The following TCHP variants were observed in gnomAD, a reference collection of about 807,000 sequenced individuals.
The protein encoded by TCHP is trichoplein keratin filament-binding protein.
TCHP carries 81 observed loss-of-function variants against 88.7 expected under a neutral mutation model. The ratio of observed to expected loss-of-function variants is 0.91; its 90% CI spans 0.76 to 1.10. The LOEUF is 1.10. TCHP is among the 50% of genes least tolerant of loss of function. The pLI is 0.00. For missense variants in TCHP, 641 were observed against 632.1 expected (o/e 1.01, Z -0.15); for synonymous variants, 232 against 232.5 (o/e 1.00, Z 0.02).
the TCHP span, among the ~76,000 whole-genome samples, chr12:109,885,522 G>A: frequency 3.1e-5 from 4 of 129,922 alleles, no homozygotes; most frequent in Non-Finnish European, 3.1e-5. Flanking sequence ...TCGCTCTGTC[G>A]CCCAGGCTGG....
chr12:109,915,450 G>A lies in TCHP; in HGVS notation c.1368G>A (p.Glu456=). The A allele has an allele frequency of 6.2e-7, 1 of 1,614,158 alleles. No individual in the cohort carries two copies. The highest frequency in any genetic ancestry group is 2.2e-5 in the East Asian group (1 of 44,886). ...LQAWEADQQE[E]EEEEEARRVE... ...CATGGGAAGCAGACCAGCAGGAGGAGGAGGAAGAGGAGGAGGCCCGGCGGG... is the reference window on the plus strand; with the variant it reads ...CATGGGAAGCAGACCAGCAGGAGGAAGAGGAAGAGGAGGAGGCCCGGCGGG... Residue 456 remains glutamate (E), a synonymous_variant, in exon 12 of 13, where the codon GAG becomes GAA. Transcript: ENST00000405876.
chr12:109,900,937 G>GACCCTACACTTGA (rs1869753729), intron 1 of TCHP: 1 of 152,274 alleles, frequency 6.6e-6, no homozygotes, highest in South Asian at 2.1e-4. Flanking sequence ...GACAGCTTTT[G>GACCCTACACTTGA]GGTCAGGGGA....
In TCHP at chr12:109,911,117, C is replaced by T. The variant is rs774623375; in HGVS notation, c.934C>T (p.Arg312Cys). 1.3e-5 allele frequency: 21 copies of T among 1,595,620 alleles called. No homozygotes were observed. The highest frequency in any genetic ancestry group is 1.1e-5 in the South Asian group (1 of 87,882). Residue 312 changes from arginine (R) to cysteine (C), a missense_variant, in exon 9 of 13, where the codon CGC becomes TGC. Coordinates refer to ENST00000405876, the MANE Select transcript of TCHP (RefSeq NM_001143852.2). Reference protein sequence around the residue: ...ALLEKEDESQRLHLARREQVM... With the variant: ...ALLEKEDESQCLHLARREQVM... The stretch of plus-strand genomic sequence containing the variant: ...CCTCGAGAAGGAGGACGAGAGCCAG[C>T]GCCTCCACCTGGCCAGGCGGGAGCA...
intron 8 of TCHP, among the ~76,000 whole-genome samples, chr12:109,909,555 C>T (rs1220533408): frequency 6.6e-6 from 1 of 152,222 alleles, no homozygotes; most frequent in Non-Finnish European, 1.5e-5. Flanking sequence ...TGCGGTGGCT[C>T]CCGCCTATAA....
At chr12:109,882,416 C>T in the TCHP span, among the ~76,000 whole-genome samples, 2 of 136,620 alleles carry the variant, frequency 1.5e-5, no homozygotes, top group Non-Finnish European at 3.0e-5. Context: ...CCAGAGCGAG[C>T]GAGACTCCGT....
intron 9 of TCHP, among the ~76,000 whole-genome samples, chr12:109,912,064 G>A (rs1303173790): frequency 6.6e-6 from 1 of 152,200 alleles, no homozygotes; most frequent in Admixed American, 6.5e-5. Context: ...AAAGTGCTGG[G>A]ATTACAGGCG....
chr12:109,904,313 G>T (rs1436577573), intron 3 of TCHP, among the ~76,000 whole-genome samples, 166 bp downstream of exon 3: 3 of 152,174 alleles, frequency 2.0e-5, no homozygotes, highest in African/African-American at 7.2e-5. Context: ...CTGGGTTTTG[G>T]ATCAGTTAGC....
upstream of TCHP, chr12:109,900,219 G>A (rs1444361792): frequency 1.3e-5 from 2 of 152,290 alleles, no homozygotes; most frequent in Non-Finnish European, 2.9e-5. Flanking sequence ...CGGGGCACCA[G>A]AGAAAAACAC....
In TCHP at chr12:109,910,652, C is replaced by G. The variant is rs527405933; in HGVS notation, c.880-411C>G. Among the ~76,000 whole-genome samples the G allele has an allele frequency of 7.2e-5, 11 of 152,332 alleles. No individual in the cohort carries two copies. In the East Asian group the frequency reaches 2.1e-3, roughly 29 times the overall value. On this transcript the variant is annotated intron_variant, in intron 8 of 12. Coordinates refer to ENST00000405876, the MANE Select transcript of TCHP (RefSeq NM_001143852.2). ...TTGATGTACATAGTAGCTAATTCCC[C>G]ACCAAGGAGCATTTTGGTTGTTTCT...
chr12:109,898,818 C>T (rs950981996), upstream of TCHP, among the ~76,000 whole-genome samples: 9 of 152,082 alleles, frequency 5.9e-5, no homozygotes, highest in Non-Finnish European at 1.0e-4. Flanking sequence ...TTTATGTATT[C>T]ATTTATTTAT....
At chr12:109,908,168 T>C (rs1417342104) in intron 6 of TCHP, among the ~76,000 whole-genome samples, 2 of 152,224 alleles carry the variant, frequency 1.3e-5, no homozygotes, top group Non-Finnish European at 2.9e-5. Context: ...CCCATGCTCC[T>C]GTGACCTCAC....
At chr12:109,906,698 C>T (rs188056372) in intron 5 of TCHP, 58 bp downstream of exon 5, 264 of 1,445,670 alleles carry the variant, frequency 1.8e-4, no homozygotes, top group Admixed American at 2.7e-4. Flanking sequence ...CTGTTCACGT[C>T]TTTGCATTCG....
rs1870025263 is a variant in TCHP at position 109,904,744 on chromosome 12, A to G, written c.407A>G (p.Glu136Gly). 1.9e-6 allele frequency: 3 copies of G among 1,612,026 alleles called. No individual in the cohort carries two copies. The highest frequency in any genetic ancestry group is 2.5e-6 in the Non-Finnish European group (3 of 1,179,502). The change falls in exon 4 of 13, where the codon GAA becomes GGA. Residue 136 changes from glutamate to glycine, a missense_variant. Coordinates refer to ENST00000405876, the MANE Select transcript of TCHP (RefSeq NM_001143852.2). ...AKEEQRKLIAEQLLYEHWKKN... is the reference protein window; with the variant it reads ...AKEEQRKLIAGQLLYEHWKKN... ...TTTGTGTTTTCTTGATAGATTGCTG[A>G]ACAACTTTTGTACGAACACTGGAAA... is the stretch of plus-strand genomic sequence containing the variant.
the TCHP span, among the ~76,000 whole-genome samples, chr12:109,894,462 CAAA>C: frequency 9.3e-6 from 1 of 107,802 alleles, no homozygotes. Context: ...GACTCCGTCT[CAAA>C]AAAAAAAAAG....
At position 109,913,579 on chromosome 12, in the gene TCHP, C is replaced by T. The variant is rs909519969; in HGVS notation, c.1134+507C>T. Among the ~76,000 whole-genome samples the T allele has an allele frequency of 5.9e-5, 9 of 152,212 alleles. No individual in the cohort carries two copies. The South Asian group carries it at 8.3e-4, about 14-fold the overall frequency. The stretch of plus-strand genomic sequence containing the variant: ...GGCTCTTCCCACACGTTTCCCCCCT[C>T]GGGGTAGATGACAGCCGTGACCTGG... On this transcript the variant is annotated intron_variant, in intron 10 of 12. Coordinates refer to ENST00000405876, the MANE Select transcript of TCHP (RefSeq NM_001143852.2).
At chr12:109,901,893 A>G (rs1308745063) in intron 1 of TCHP, among the ~76,000 whole-genome samples, 1 of 152,172 alleles carries the variant, frequency 6.6e-6, no homozygotes, top group Non-Finnish European at 1.5e-5. Flanking sequence ...TTCGTCTCAA[A>G]CTGTGGCGTT....
chr12:109,909,911 G>A (rs892212395), intron 8 of TCHP, among the ~76,000 whole-genome samples: 2 of 152,218 alleles, frequency 1.3e-5, no homozygotes, highest in Admixed American at 1.3e-4. Flanking sequence ...GTTGCAATAA[G>A]CTGAGATCAA....
chr12:109,883,516 A>G, the TCHP span, among the ~76,000 whole-genome samples: 7 of 152,090 alleles, frequency 4.6e-5, no homozygotes, highest in Admixed American at 6.6e-5. Context: ...CCAAGCCATC[A>G]ACTAGGCTTG....
In TCHP at chr12:109,903,220, T is replaced by C. The variant is rs1453410191; in HGVS notation, c.188+6T>C. 1.2e-6 allele frequency: 2 copies of C among 1,604,046 alleles called. No homozygotes were observed. The highest frequency in any genetic ancestry group is 1.3e-5 in the African/African-American group (1 of 74,802). ...AAAACCTCCTACCAGCGGAGGTAAT[T>C]GTGCGGTAACTGCCGATTGGATGGA... On this transcript the variant is annotated splice_donor_region_variant and intron_variant, in intron 2 of 12. Transcript: ENST00000405876. This position sits in a 1 kb window ranked among gnomAD's most constrained non-coding sequence, Gnocchi z 4.6.
Sources: allele counts gnomAD v4.1 joint callset (sites outside exome capture counted in the v4.1 genomes callset), GRCh38; gene constraint gnomAD v4.1.1; non-coding constraint Gnocchi (gnomAD v3.1); transcripts MANE v1.5; gene names NCBI Gene and HGNC (gene_info 2026-07-23, HGNC 2026-07-21).